The following RAI1 variants were observed in gnomAD, a reference collection of about 807,000 sequenced individuals.
RAI1 encodes the protein retinoic acid induced 1.
Under a neutral mutation model 123.8 loss-of-function variants are expected in RAI1, and 9 were observed. That is an observed-to-expected ratio of 0.07 (90% CI 0.04 to 0.13). The LOEUF (loss-of-function observed/expected upper bound fraction) is 0.13, where lower values mean the gene tolerates loss of function less well. RAI1 is among the 10% of genes least tolerant of loss of function. RAI1 has a pLI of 1.00. For synonymous variants in RAI1, 1,231 were observed against 1,127.3 expected, an observed-to-expected ratio of 1.09 and a Z score of -1.84; for missense variants, 2,256 against 2,545.8, an observed-to-expected ratio of 0.89 and a Z score of 2.45.
Position 17,793,885 on chromosome 17 carries a change from C to T in RAI1, c.937C>T (p.His313Tyr). 6.2e-7 allele frequency: 1 copy of T among 1,613,804 alleles called. No homozygotes were observed. Among genetic ancestry groups the T allele is most frequent in the Non-Finnish European group, 8.5e-7 (1 of 1,180,026 alleles). Residue 313 changes from histidine to tyrosine, a missense_variant, in exon 3 of 6, where the codon CAC becomes TAC. By Grantham distance (83) the His-to-Tyr change is moderately conservative. Transcript: ENST00000353383. ...LHYQNLAKYQ[H>Y]YGQQGQGYCQ... ...TTACCAAAACCTCGCCAAGTATCAG[C>T]ACTACGGGCAGCAAGGCCAGGGCTA...
intron 2 of RAI1, among the ~76,000 whole-genome samples, chr17:17,730,527 C>A (rs1336124623): frequency 6.6e-6 from 1 of 152,252 alleles, no homozygotes; most frequent in Non-Finnish European, 1.5e-5. Flanking sequence ...TGACATGACA[C>A]TTCCTGGTCT....
At chr17:17,792,441 G>C (rs997465958) in intron 2 of RAI1, among the ~76,000 whole-genome samples, 6 of 152,136 alleles carry the variant, frequency 3.9e-5, no homozygotes, top group African/African-American at 1.4e-4. Context: ...GAACACGGTC[G>C]CGAAGGGACT....
At chr17:17,744,363 CA>C (rs1431724545) in intron 2 of RAI1, among the ~76,000 whole-genome samples, 1 of 152,190 alleles carries the variant, frequency 6.6e-6, no homozygotes, top group Non-Finnish European at 1.5e-5. Flanking sequence ...CCATGAGGGT[CA>C]GTAGCCAGAA....
intron 4 of RAI1, among the ~76,000 whole-genome samples, chr17:17,808,414 ATTATT>A (rs71155304): frequency 0.32 from 38,663 of 122,570 alleles, 7,125 homozygotes; most frequent in Middle Eastern, 0.44. Context: ...ATTTTATTTT[ATTATT>A]TTATTTTATT....
At chr17:17,697,713 G>A (rs1226839383) in intron 1 of RAI1, among the ~76,000 whole-genome samples, 1 of 152,186 alleles carries the variant, frequency 6.6e-6, no homozygotes, top group African/African-American at 2.4e-5. Flanking sequence ...CATGGCAGGG[G>A]GTTGCTGTTA....
At position 17,795,390 on chromosome 17, in the gene RAI1, G is replaced by A; in HGVS notation, c.2442G>A (p.Glu814=). Residue 814 remains glutamate (E), a synonymous_variant, in exon 3 of 6, where the codon GAG becomes GAA. Transcript: ENST00000353383. The surrounding 1 kb of genome is among the most constrained non-coding windows in gnomAD (Gnocchi z 5.9). ...TGCCCGGGGACTTCAAGCAGGAGGA[G>A]GTGGGTGGGGTGAAGGAGGAGGCAG... is the stretch of plus-strand genomic sequence containing the variant. ...ASLPGDFKQE[E]VGGVKEEAGG... 3 of 1,592,704 alleles carry A rather than the reference G, an allele frequency of 1.9e-6. No individual in the cohort carries two copies. Among genetic ancestry groups the A allele is most frequent in the African/African-American group, 1.3e-5 (1 of 74,684 alleles).
In RAI1 at chr17:17,797,586, G is replaced by T; in HGVS notation, c.4638G>T (p.Lys1546Asn). ...KRKRLTRGRAKNTTSSPCKGR... is the reference protein window; with the variant it reads ...KRKRLTRGRANNTTSSPCKGR... Reference sequence around the variant, plus strand: ...AGCGCCTCACTCGGGGCCGGGCCAAGAACACCACCTCTTCACCCTGTAAGG... The same window carrying T: ...AGCGCCTCACTCGGGGCCGGGCCAATAACACCACCTCTTCACCCTGTAAGG... Residue 1546 changes from lysine to asparagine, a missense_variant, in exon 3 of 6, where the codon AAG (lysine) becomes AAT (asparagine). Physicochemically the swap from Lys to Asn is moderately conservative, Grantham distance 94. Transcript: ENST00000353383. 6.2e-7 allele frequency: 1 copy of T among 1,614,072 alleles called. No homozygotes were observed. Among genetic ancestry groups the T allele is most frequent in the Non-Finnish European group, 8.5e-7 (1 of 1,180,038 alleles).
rs374921049 is a variant in RAI1 at position 17,797,334 on chromosome 17, G to A, written c.4386G>A (p.Pro1462=). The change falls in exon 3 of 6, where the codon CCG becomes CCA. Residue 1462 remains proline, a synonymous_variant. Coordinates refer to ENST00000353383, the MANE Select transcript of RAI1 (RefSeq NM_030665.4). ...GGGCCCATGGACTCTCCAAAGGCCC[G>A]CTGGAGAAGCGGCCCTATCTTGGCC... ...RAGAHGLSKG[P]LEKRPYLGPA... The A allele has an allele frequency of 1.9e-5, 31 of 1,612,254 alleles. No homozygotes were observed. The South Asian group carries it at 2.4e-4, about 13-fold the overall frequency.
intron 1 of RAI1, among the ~76,000 whole-genome samples, chr17:17,683,107 G>A (rs1190697459): frequency 1.4e-4 from 22 of 152,246 alleles, no homozygotes; most frequent in Non-Finnish European, 1.5e-4. Context: ...GCAGTAGTGT[G>A]TTGAGAATTC....
At chr17:17,704,067 G>A (rs1382488017) in intron 1 of RAI1, among the ~76,000 whole-genome samples, 1 of 152,208 alleles carries the variant, frequency 6.6e-6, no homozygotes, top group Non-Finnish European at 1.5e-5. Context: ...AGGCTTGATG[G>A]GCCAGGGCCT....
rs200610935 is a variant in RAI1, at chr17:17,745,009, C to T, written c.-17+20850C>T. Reference sequence around the variant, plus strand: ...CTTGAGCCCTGCTGTTAGGGGCTCTCACAGTCCTGGTGGGGAGACTGACCC... The same window carrying T: ...CTTGAGCCCTGCTGTTAGGGGCTCTTACAGTCCTGGTGGGGAGACTGACCC... On this transcript the variant is annotated intron_variant, in intron 2 of 5. Coordinates refer to ENST00000353383, the MANE Select transcript of RAI1 (RefSeq NM_030665.4). Among the ~76,000 whole-genome samples, 11 of 152,196 alleles carry T rather than the reference C, an allele frequency of 7.2e-5. No individual in the cohort carries two copies. In the East Asian group the frequency reaches 1.2e-3, roughly 16 times the overall value.
chr17:17,712,751 A>G (rs780473114), intron 1 of RAI1, among the ~76,000 whole-genome samples: 12 of 152,234 alleles, frequency 7.9e-5, no homozygotes, highest in African/African-American at 1.4e-4. Context: ...ACTGTGGTCA[A>G]GCCTCTCCAT....
At chr17:17,717,668 G>GC (rs766952058) in intron 1 of RAI1, among the ~76,000 whole-genome samples, 4 of 151,918 alleles carry the variant, frequency 2.6e-5, no homozygotes, top group Non-Finnish European at 5.9e-5. Flanking sequence ...CCAGCCTCCT[G>GC]CCCCCCACCT....
At chr17:17,780,731 C>A (rs1372995426) in intron 2 of RAI1, among the ~76,000 whole-genome samples, 1 of 148,370 alleles carries the variant, frequency 6.7e-6, no homozygotes. Context: ...AGTTACACGG[C>A]TCCAGCAGTC....
At position 17,798,121 on chromosome 17, in the gene RAI1, C is replaced by T; in HGVS notation, c.5173C>T (p.Pro1725Ser). ...KKPKLKEKVRPEGTCEEASLP... is the reference protein window; with the variant it reads ...KKPKLKEKVRSEGTCEEASLP... Reference sequence around the variant, plus strand: ...GCCAAAACTCAAGGAGAAGGTGCGGCCAGAAGGCACCTGTGAGGAGGCCTC... The same window carrying T: ...GCCAAAACTCAAGGAGAAGGTGCGGTCAGAAGGCACCTGTGAGGAGGCCTC... Residue 1725 changes from proline to serine, a missense_variant, in exon 3 of 6, where the codon CCA (proline) becomes TCA (serine). This residue lies in a region of RAI1 where 243 missense variants were observed against 316.6 expected (regional missense o/e 0.77). Coordinates refer to ENST00000353383, the MANE Select transcript of RAI1 (RefSeq NM_030665.4). 6.2e-7 allele frequency: 1 copy of T among 1,613,830 alleles called. No individual in the cohort carries two copies. Among genetic ancestry groups the T allele is most frequent in the Non-Finnish European group, 8.5e-7 (1 of 1,180,044 alleles).
chr17:17,704,566 T>A (rs773623733), intron 1 of RAI1, among the ~76,000 whole-genome samples: 14 of 152,166 alleles, frequency 9.2e-5, no homozygotes, highest in Non-Finnish European at 1.9e-4. Flanking sequence ...CTCAACTCCA[T>A]CCTCATGAGC....
At chr17:17,687,119 A>AT (rs1475267931) in intron 1 of RAI1, among the ~76,000 whole-genome samples, 14 of 152,040 alleles carry the variant, frequency 9.2e-5, no homozygotes, top group Non-Finnish European at 7.4e-5. Context: ...AGTAGCTGGG[A>AT]TTACAGGCGC....
chr17:17,686,608 T>TGTGTGCGCGCGC (rs1491248703), intron 1 of RAI1, among the ~76,000 whole-genome samples: 274 of 137,840 alleles, frequency 2.0e-3, no homozygotes, highest in Admixed American at 5.2e-3. Context: ...TGTGTGTGTG[T>TGTGTGCGCGCGC]GCACGCGCGC....
intron 2 of RAI1, among the ~76,000 whole-genome samples, chr17:17,746,295 G>A (rs531507994): frequency 3.9e-5 from 6 of 152,374 alleles, no homozygotes; most frequent in East Asian, 1.9e-4. Context: ...GAGAGGATGC[G>A]CTTCCGTGCC....
Sources: gnomAD v4.1 joint callset for allele counts (sites outside exome capture counted in the v4.1 genomes callset) on GRCh38, gnomAD v4.1.1 for gene constraint, gnomAD v4.1.1 regional missense constraint, Gnocchi (gnomAD v3.1) non-coding constraint, MANE v1.5 for transcripts, NCBI Gene and HGNC (gene_info 2026-07-23, HGNC 2026-07-21) for gene names.